The following STXBP3 variants were observed in gnomAD, a reference collection of about 807,000 sequenced individuals.
STXBP3 encodes the protein syntaxin binding protein 3, also known as syntaxin-binding protein 3.
STXBP3 carries 41 observed loss-of-function variants against 85.7 expected under a neutral mutation model. The ratio of observed to expected loss-of-function variants is 0.48; its 90% confidence interval spans 0.37 to 0.62. The LOEUF is 0.62. Among genes scored for constraint, STXBP3 ranks in the 20% least tolerant of loss-of-function variants. STXBP3 has a pLI of 0.00. For synonymous variants in STXBP3, 229 were observed against 231.7 expected (o/e 0.99, Z 0.10); for missense variants, 563 against 703.1 (o/e 0.80, Z 2.25).
chr1:108,778,835 G>A (rs1230794973), intron 8 of STXBP3, among the ~76,000 whole-genome samples: 1 of 152,150 alleles, frequency 6.6e-6, no homozygotes, highest in Non-Finnish European at 1.5e-5. Flanking sequence ...GACCTCCTGT[G>A]TATACCAAAA....
intron 2 of STXBP3, 126 bp downstream of exon 2, chr1:108,752,432 C>T (rs1051674216): frequency 1.1e-5 from 9 of 834,676 alleles, no homozygotes; most frequent in African/African-American, 3.5e-5. Flanking sequence ...GATAATTTGA[C>T]GTATGTGGGA....
At chr1:108,754,998 T>C (rs1234968329) in intron 3 of STXBP3, among the ~76,000 whole-genome samples, 1 of 152,148 alleles carries the variant, frequency 6.6e-6, no homozygotes, top group African/African-American at 2.4e-5. Context: ...AACTGGGCAC[T>C]GGCAGGTTCA....
intron 11 of STXBP3, among the ~76,000 whole-genome samples, chr1:108,792,386 A>G (rs1337858930): frequency 6.6e-6 from 1 of 152,036 alleles, no homozygotes; most frequent in African/African-American, 2.4e-5. Context: ...TTTTTTATTG[A>G]TGCATAGTAA....
chr1:108,753,250 A>G, intron 3 of STXBP3, 106 bp downstream of exon 3: 1 of 671,266 alleles, frequency 1.5e-6, no homozygotes. Context: ...ATTTTTTTAA[A>G]TTACTGTAGC....
chr1:108,769,330 C>T (rs1662333078), intron 6 of STXBP3, among the ~76,000 whole-genome samples: 1 of 152,052 alleles, frequency 6.6e-6, no homozygotes, highest in Non-Finnish European at 1.5e-5. Flanking sequence ...GAGGCAGGCA[C>T]ACTCTTTGTA....
chr1:108,753,525 G>T (rs1004310653), intron 3 of STXBP3, among the ~76,000 whole-genome samples: 1 of 151,956 alleles, frequency 6.6e-6, no homozygotes, highest in Non-Finnish European at 1.5e-5. Flanking sequence ...CATAAAATCA[G>T]CTGTTGTACA....
chr1:108,784,257 G>A (rs1662780811), intron 11 of STXBP3, among the ~76,000 whole-genome samples: 1 of 152,096 alleles, frequency 6.6e-6, no homozygotes. Flanking sequence ...TTCTCACACT[G>A]CCATGAATAA....
chr1:108,808,073 G>A (rs1663380790), intron 18 of STXBP3, among the ~76,000 whole-genome samples: 1 of 152,180 alleles, frequency 6.6e-6, no homozygotes, highest in Non-Finnish European at 1.5e-5. Flanking sequence ...AGGAAAAGGA[G>A]CTTGCTCCTT....
At chr1:108,763,401 T>C (rs1255265089) in intron 6 of STXBP3, among the ~76,000 whole-genome samples, 2 of 152,208 alleles carry the variant, frequency 1.3e-5, no homozygotes, top group Admixed American at 1.3e-4. Flanking sequence ...TCTGTGGGTG[T>C]AAGATGATGC....
At chr1:108,773,556 T>A (rs1278883254) in intron 7 of STXBP3, among the ~76,000 whole-genome samples, 1 of 152,152 alleles carries the variant, frequency 6.6e-6, no homozygotes, top group Non-Finnish European at 1.5e-5. Flanking sequence ...TTTTGCCCAG[T>A]TATTCTAGTT....
chr1:108,763,063 G>A (rs1299173853), intron 6 of STXBP3, among the ~76,000 whole-genome samples: 1 of 152,128 alleles, frequency 6.6e-6, no homozygotes, highest in Non-Finnish European at 1.5e-5. Flanking sequence ...AAACATAAAA[G>A]AATATTTGCA....
intron 11 of STXBP3, among the ~76,000 whole-genome samples, chr1:108,787,065 TGTGA>T (rs941703062): frequency 2.6e-5 from 4 of 152,296 alleles, no homozygotes; most frequent in African/African-American, 9.6e-5. Context: ...GTATATAAAA[TGTGA>T]TTGATTTTTG....
chr1:108,762,385 A>G (rs1050117415), intron 6 of STXBP3, among the ~76,000 whole-genome samples: 3 of 152,170 alleles, frequency 2.0e-5, no homozygotes, highest in Non-Finnish European at 2.9e-5. Flanking sequence ...AATAGGCTAT[A>G]TAAGGGTGAT....
chr1:108,798,008 G>C, intron 15 of STXBP3, 137 bp from the exon 16 acceptor site: 1 of 669,844 alleles, frequency 1.5e-6, no homozygotes, highest in South Asian at 2.4e-5. Flanking sequence ...TTTTAAAATA[G>C]GCATCTCCAC....
At position 108,760,007 on chromosome 1, in the gene STXBP3, C is replaced by T. The variant is rs1482181551; in HGVS notation, c.360C>T (p.Asn120=). The change falls in exon 6 of 19, where the codon AAC becomes AAT. Residue 120 remains asparagine (N), a synonymous_variant. Transcript: ENST00000370008. ...FTDFCPDNLF[N]KIKASCSKSI... is the part of the protein sequence containing the mutation. ...CAGTTTGCCCTGATAATCTCTTTAA[C>T]AAAATTAAGGCTTCTTGCTCCAAGT... is the stretch of plus-strand genomic sequence containing the variant. 7 of 1,570,144 alleles carry T rather than the reference C, an allele frequency of 4.5e-6. No individual in the cohort carries two copies. The highest frequency in any genetic ancestry group is 1.4e-5 in the African/African-American group (1 of 71,746).
chr1:108,770,817 A>AT, intron 6 of STXBP3, among the ~76,000 whole-genome samples: 1 of 152,258 alleles, frequency 6.6e-6, no homozygotes, highest in Middle Eastern at 3.4e-3. Flanking sequence ...TTCTTTGTAC[A>AT]TAAGTAAATT....
At chr1:108,746,856 G>T in intron 1 of STXBP3, 70 bp downstream of exon 1, 2 of 1,503,638 alleles carry the variant, frequency 1.3e-6, no homozygotes, top group Non-Finnish European at 1.8e-6. Flanking sequence ...TCGTTTTGCA[G>T]CCCCAACCCA....
intron 11 of STXBP3, among the ~76,000 whole-genome samples, chr1:108,792,699 T>G (rs1663003086): frequency 6.6e-6 from 1 of 152,216 alleles, no homozygotes; most frequent in African/African-American, 2.4e-5. Context: ...CTAGACATGG[T>G]GGATGATACA....
intron 17 of STXBP3, among the ~76,000 whole-genome samples, chr1:108,803,933 A>G (rs1663279205): frequency 6.6e-6 from 1 of 152,214 alleles, no homozygotes; most frequent in African/African-American, 2.4e-5. Context: ...GCTCTTGGGA[A>G]GGTGGAGGGG....
Sources: gnomAD v4.1 joint callset for allele counts (sites outside exome capture counted in the v4.1 genomes callset) on GRCh38, gnomAD v4.1.1 for gene constraint, MANE v1.5 for transcripts, NCBI Gene and HGNC (gene_info 2026-07-23, HGNC 2026-07-21) for gene names.